The following FBXO25 variants were observed in gnomAD, a reference collection of about 807,000 sequenced individuals.
FBXO25 encodes F-box only protein 25.
In FBXO25, 45 loss-of-function variants were observed where a neutral mutation model predicts 51.9. The ratio of observed to expected loss-of-function variants is 0.87; its 90% CI spans 0.68 to 1.11. FBXO25 has a LOEUF of 1.11. Ranked by LOEUF, FBXO25 falls within the 50% of genes most tolerant of loss-of-function variation. The pLI is 0.00. For synonymous variants in FBXO25, 199 were observed against 151.0 expected, an observed-to-expected ratio of 1.32 and a Z score of -2.33; for missense variants, 507 against 428.5, an observed-to-expected ratio of 1.18 and a Z score of -1.62.
intron 1 of FBXO25, among the ~76,000 whole-genome samples, chr8:411,974 G>A (rs962593162): frequency 6.6e-6 from 1 of 152,184 alleles, no homozygotes; most frequent in African/African-American, 2.4e-5. Context: ...CTAAGCACTT[G>A]AATGTTTAAA....
intron 8 of FBXO25, among the ~76,000 whole-genome samples, chr8:460,438 C>G (rs1471412193): frequency 1.3e-5 from 2 of 151,824 alleles, no homozygotes; most frequent in Non-Finnish European, 2.9e-5. Context: ...GCCTCAGTAA[C>G]TAACATTAAG....
At chr8:442,614 C>T (rs1015004233) in intron 5 of FBXO25, among the ~76,000 whole-genome samples, 5 of 152,078 alleles carry the variant, frequency 3.3e-5, no homozygotes, top group African/African-American at 9.7e-5. Context: ...GGATTTCAGG[C>T]ACCTGCCACC....
rs184455912 is a variant in FBXO25 at position 431,132 on chromosome 8, A to G, written c.135-209A>G. ...ATATCAAGACCCTTCAGAGATTCTA[A>G]AACATGTTCAGCACTTTCTGGTACA... On this transcript the variant is annotated intron_variant, in intron 2 of 9. Transcript: ENST00000350302. 5.7e-3 allele frequency among the ~76,000 whole-genome samples: 868 copies of G among 152,322 alleles called. 10 individuals are homozygous for G. The highest frequency in any genetic ancestry group is 0.02 in the African/African-American group (830 of 41,558).
intron 1 of FBXO25, among the ~76,000 whole-genome samples, chr8:408,612 C>G (rs1284880674): frequency 6.6e-6 from 1 of 152,168 alleles, no homozygotes; most frequent in Non-Finnish European, 1.5e-5. Context: ...CTATGGTAAG[C>G]TCTAATAAAT....
At chr8:413,009 T>A in intron 1 of FBXO25, 64 bp from the exon 2 acceptor site, 1 of 1,115,554 alleles carries the variant, frequency 9.0e-7, no homozygotes, top group Non-Finnish European at 1.2e-6. Context: ...TAATAAATGT[T>A]CTAAGTGAAA....
chr8:463,292 T>G (rs1799938274), intron 9 of FBXO25, 142 bp downstream of exon 9: 1 of 942,214 alleles, frequency 1.1e-6, no homozygotes, highest in South Asian at 1.6e-5. Context: ...TTACCAAATA[T>G]TGGGGTAGGG....
At chr8:460,151 G>T (rs1219435712) in intron 8 of FBXO25, among the ~76,000 whole-genome samples, 1 of 152,110 alleles carries the variant, frequency 6.6e-6, no homozygotes, top group African/African-American at 2.4e-5. Context: ...TCCCTATCAC[G>T]TGCAGGCCCG....
At chr8:454,102 C>T (rs549216275) in intron 7 of FBXO25, among the ~76,000 whole-genome samples, 5 of 152,010 alleles carry the variant, frequency 3.3e-5, no homozygotes, top group East Asian at 1.9e-4. Flanking sequence ...CCAGCGTGGG[C>T]GACAAGAGTG....
intron 5 of FBXO25, among the ~76,000 whole-genome samples, chr8:442,554 C>G (rs902177634): frequency 1.3e-5 from 2 of 151,576 alleles, no homozygotes; most frequent in Admixed American, 6.6e-5. Flanking sequence ...ACTGCAACTT[C>G]CGCCCCCCGG....
At chr8:452,533 T>A (rs1285102561) in intron 7 of FBXO25, among the ~76,000 whole-genome samples, 1 of 152,204 alleles carries the variant, frequency 6.6e-6, no homozygotes. Context: ...AAGTCCCCTT[T>A]CTCCTGATGA....
intron 6 of FBXO25, 27 bp from the exon 7 acceptor site, chr8:451,242 C>G (rs773415241): frequency 1.3e-6 from 2 of 1,571,436 alleles, no homozygotes; most frequent in South Asian, 1.2e-5. Context: ...CTGTATCAAT[C>G]CATAGTTTTA....
intron 8 of FBXO25, 112 bp downstream of exon 8, chr8:458,663 T>G: frequency 2.0e-6 from 2 of 1,001,214 alleles, no homozygotes; most frequent in Non-Finnish European, 2.9e-6. Flanking sequence ...TTTTCTACTT[T>G]TAAAGAACCA....
chr8:434,636 T>C (rs545316431), intron 4 of FBXO25, among the ~76,000 whole-genome samples: 5 of 152,176 alleles, frequency 3.3e-5, no homozygotes, highest in Non-Finnish European at 7.3e-5. Flanking sequence ...AGTCACCTGT[T>C]TGGAATTTGA....
At chr8:408,470 CTT>C (rs1444627233) in intron 1 of FBXO25, among the ~76,000 whole-genome samples, 1 of 152,214 alleles carries the variant, frequency 6.6e-6, no homozygotes. Flanking sequence ...CCACTGAACT[CTT>C]TGCCTCAGTG....
intron 4 of FBXO25, 82 bp downstream of exon 4, chr8:433,017 A>C (rs1450108107): frequency 2.1e-6 from 3 of 1,412,112 alleles, no homozygotes; most frequent in Admixed American, 3.0e-5. Flanking sequence ...TGTATTAATA[A>C]AGTTGCATAA....
intron 2 of FBXO25, among the ~76,000 whole-genome samples, chr8:429,470 C>A (rs1390115318): frequency 1.3e-5 from 2 of 152,156 alleles, no homozygotes; most frequent in East Asian, 3.8e-4. Flanking sequence ...AAAAAGAGAA[C>A]ATGTTTGCTG....
chr8:454,990 G>A (rs1799336388), intron 7 of FBXO25, among the ~76,000 whole-genome samples: 1 of 152,172 alleles, frequency 6.6e-6, no homozygotes, highest in South Asian at 2.1e-4. Flanking sequence ...GGGGCAAGAG[G>A]TTTGATTTGT....
chr8:442,609 T>C (rs1449448253), intron 5 of FBXO25, among the ~76,000 whole-genome samples: 1 of 151,962 alleles, frequency 6.6e-6, no homozygotes, highest in Admixed American at 6.6e-5. Flanking sequence ...AGCTGGGATT[T>C]CAGGCACCTG....
intron 2 of FBXO25, among the ~76,000 whole-genome samples, chr8:416,124 A>T (rs1391969596): frequency 6.6e-6 from 1 of 152,126 alleles, no homozygotes; most frequent in East Asian, 1.9e-4. Context: ...TCTTCCACTC[A>T]TTCTGTAAAC....
Sources: gnomAD v4.1 joint callset for allele counts (sites outside exome capture counted in the v4.1 genomes callset) on GRCh38, gnomAD v4.1.1 for gene constraint, MANE v1.5 for transcripts, NCBI Gene and HGNC (gene_info 2026-07-23, HGNC 2026-07-21) for gene names.